Variants in DCAF8L2 observed in about 807,000 individuals in gnomAD.
DCAF8L2 encodes the protein DDB1 and CUL4 associated factor 8 like 2, also known as DDB1- and CUL4-associated factor 8-like protein 2.
For missense variants in DCAF8L2, 430 were observed against 490.7 expected (o/e 0.88, Z 1.17); for synonymous variants, 200 against 190.9 (o/e 1.05, Z -0.39).
intron 3 of DCAF8L2, among the ~76,000 whole-genome samples, chrX:27,687,717 G>A (rs1930562092): frequency 9.0e-6 from 1 of 111,211 alleles, no homozygotes; most frequent in Non-Finnish European, 1.9e-5. Context: ...AGTTGGTCCT[G>A]GTCGTGCATG....
intron 4 of DCAF8L2, among the ~76,000 whole-genome samples, chrX:27,735,243 G>A (rs900499290): frequency 9.0e-6 from 1 of 111,604 alleles, no homozygotes. Flanking sequence ...GAGTAGATTG[G>A]AATCAAAATA....
At chrX:27,711,403 GTGTGT>G (rs1461178863) in intron 3 of DCAF8L2, among the ~76,000 whole-genome samples, 1 of 97,025 alleles carries the variant, frequency 1.0e-5, no homozygotes, top group African/African-American at 4.8e-5. Flanking sequence ...GTGTACGTGT[GTGTGT>G]GTGTGTGTGT....
At chrX:27,508,528 C>A in the DCAF8L2 span, among the ~76,000 whole-genome samples, 1 of 108,946 alleles carries the variant, frequency 9.2e-6, no homozygotes, top group Non-Finnish European at 1.9e-5. Context: ...TGCACAGCAA[C>A]AACATAATCA....
At chrX:27,647,221 A>G (rs1284987360) in intron 2 of DCAF8L2, among the ~76,000 whole-genome samples, 2 of 112,384 alleles carry the variant, frequency 1.8e-5, no homozygotes, top group Non-Finnish European at 3.8e-5. Flanking sequence ...ATGGAGTACT[A>G]TGCAGCCATA....
Position 27,746,825 on chromosome X carries a change from A to C in DCAF8L2, c.-58-13A>C. 3 of 1,068,721 alleles carry C rather than the reference A, an allele frequency of 2.8e-6. No homozygotes were observed. The highest frequency in any genetic ancestry group is 3.7e-6 in the Non-Finnish European group (3 of 802,864). The allele number at this position is 1,068,721 out of a possible 1,213,427, so 88.1% of individuals were successfully genotyped here. A position where few individuals can be genotyped will look rare whatever the true frequency, so the allele number is the denominator to read the frequency against. Reference sequence around the variant, plus strand: ...TACCATCAGTCCTAACCGCAGGCCAACTTTCTTCCCAGAGCTTTTAGGGGC... The same window carrying C: ...TACCATCAGTCCTAACCGCAGGCCACCTTTCTTCCCAGAGCTTTTAGGGGC... On this transcript the variant is annotated splice_polypyrimidine_tract_variant and intron_variant, in intron 4 of 4. Coordinates refer to ENST00000451261, the MANE Select transcript of DCAF8L2 (RefSeq NM_001353450.2).
chrX:27,695,848 T>C (rs1231357112), intron 3 of DCAF8L2, among the ~76,000 whole-genome samples: 1 of 111,073 alleles, frequency 9.0e-6, no homozygotes, highest in East Asian at 2.8e-4. Flanking sequence ...TGAATTCACA[T>C]GTAAATGTAA....
chrX:27,610,538 T>C (rs1362341891), intron 1 of DCAF8L2, among the ~76,000 whole-genome samples: 1 of 111,994 alleles, frequency 8.9e-6, no homozygotes, highest in African/African-American at 3.2e-5. Flanking sequence ...GGCAATGATA[T>C]TTTTTATTTA....
At chrX:27,519,007 A>G in the DCAF8L2 span, 24 of 831,599 alleles carry the variant, frequency 2.9e-5, no homozygotes, top group African/African-American at 3.6e-4. Context: ...GGCCTTATGT[A>G]TGGGAAACCA....
intron 1 of DCAF8L2, among the ~76,000 whole-genome samples, chrX:27,602,627 T>G (rs921185626): frequency 9.0e-6 from 1 of 111,605 alleles, no homozygotes; most frequent in Non-Finnish European, 1.9e-5. Flanking sequence ...AAGAGTTGTA[T>G]GAAATAATCA....
intron 4 of DCAF8L2, among the ~76,000 whole-genome samples, chrX:27,734,653 T>C (rs1324970091): frequency 2.7e-5 from 3 of 112,162 alleles, no homozygotes; most frequent in Non-Finnish European, 5.6e-5. Flanking sequence ...ATCTGCCTAA[T>C]TTTCTACTGG....
At chrX:27,569,067 A>T in the DCAF8L2 span, among the ~76,000 whole-genome samples, 1 of 110,153 alleles carries the variant, frequency 9.1e-6, no homozygotes, top group African/African-American at 3.3e-5. Flanking sequence ...TTATCCATGT[A>T]TTAAATGCCC....
intron 3 of DCAF8L2, among the ~76,000 whole-genome samples, chrX:27,696,802 T>A (rs1274334527): frequency 9.0e-6 from 1 of 110,920 alleles, no homozygotes; most frequent in African/African-American, 3.4e-5. Flanking sequence ...GAATCTCTCT[T>A]TAAATAGACT....
chrX:27,532,726 ATATTTATTTATTTATT>A, the DCAF8L2 span, among the ~76,000 whole-genome samples: 126 of 85,533 alleles, frequency 1.5e-3, no homozygotes, highest in South Asian at 0.032. Flanking sequence ...AGTGAGACCC[ATATTTATTTATTTATT>A]TATTTATTTA....
the DCAF8L2 span, among the ~76,000 whole-genome samples, chrX:27,540,039 T>C: frequency 3.4e-4 from 38 of 110,780 alleles, no homozygotes; most frequent in African/African-American, 1.2e-3. Context: ...GGTCAATCAC[T>C]GTTACTACTT....
In DCAF8L2 at chrX:27,747,282, AGAGGAGGAGGAG is replaced by A. The variant is rs745536197; in HGVS notation, c.423_434del (p.Glu144_Glu147del). The A allele has an allele frequency of 0.047, 40,469 of 866,075 alleles. 364 individuals carry two copies. The highest frequency in any genetic ancestry group is 0.11 in the African/African-American group (3,849 of 36,176). 71.4% of individuals were successfully genotyped at this position (866,075 alleles called of 1,213,427 possible). A position where few individuals can be genotyped will look rare whatever the true frequency, so the allele number is the denominator to read the frequency against. On this transcript the variant is annotated inframe_deletion, in exon 5 of 5. Transcript: ENST00000451261. ...AAGAGGAGGGAGGGGAGGAGGAGGA[AGAGGAGGAGGAG>A]GAGGAGGAGGAGGAGGAGGAGGAGG...
At chrX:27,561,674 C>T in the DCAF8L2 span, among the ~76,000 whole-genome samples, 2 of 110,288 alleles carry the variant, frequency 1.8e-5, no homozygotes, top group African/African-American at 6.5e-5. Context: ...ATACAATATG[C>T]ATGGGGGGGT....
At chrX:27,490,469 GT>G in the DCAF8L2 span, among the ~76,000 whole-genome samples, 22 of 107,091 alleles carry the variant, frequency 2.1e-4, no homozygotes, top group African/African-American at 7.1e-4. Context: ...TTTGTTTTTT[GT>G]TTTTTTTTGG....
chrX:27,526,344 C>T, the DCAF8L2 span, among the ~76,000 whole-genome samples: 7 of 112,155 alleles, frequency 6.2e-5, no homozygotes, highest in East Asian at 8.4e-4. Context: ...GTATTCATCA[C>T]GTAGTTCTCG....
intron 2 of DCAF8L2, among the ~76,000 whole-genome samples, chrX:27,666,970 A>G (rs900535239): frequency 8.9e-5 from 10 of 111,814 alleles, no homozygotes; most frequent in African/African-American, 2.6e-4. Flanking sequence ...TGAAATGCAG[A>G]TTCTGATTTA....
Sources: gnomAD v4.1 joint callset for allele counts (sites outside exome capture counted in the v4.1 genomes callset) on GRCh38, gnomAD v4.1.1 for gene constraint, MANE v1.5 for transcripts, NCBI Gene and HGNC (gene_info 2026-07-23, HGNC 2026-07-21) for gene names.